ADGRL2: variants seen among roughly 807,000 people sequenced by gnomAD.
ADGRL2 encodes the protein adhesion G protein-coupled receptor L2.
A neutral mutation model predicts 157.4 loss-of-function variants in ADGRL2; 44 were observed. That is an observed-to-expected ratio of 0.28 (90% confidence interval 0.22 to 0.36). ADGRL2 has a LOEUF of 0.36. Ranked by LOEUF, ADGRL2 falls within the 10% of genes least tolerant of loss-of-function variation. ADGRL2 has a pLI of 1.00. For missense variants in ADGRL2, 1,510 were observed against 1,768.9 expected (o/e 0.85, Z 2.63); for synonymous variants, 585 against 624.7 (o/e 0.94, Z 0.95).
intron 2 of ADGRL2, among the ~76,000 whole-genome samples, chr1:81,787,252 T>C (rs1177715762): frequency 3.9e-5 from 6 of 152,226 alleles, no homozygotes; most frequent in Admixed American, 3.9e-4. Flanking sequence ...TTATTTCATG[T>C]GTCATTTCTT....
intron 1 of ADGRL2, among the ~76,000 whole-genome samples, chr1:81,405,838 C>T (rs150557037): frequency 1.2e-4 from 18 of 152,096 alleles, no homozygotes; most frequent in African/African-American, 3.9e-4. Flanking sequence ...TGTTTTTATA[C>T]ATAATGCCTA....
At chr1:81,454,747 C>T (rs1401714805) in intron 2 of ADGRL2, among the ~76,000 whole-genome samples, 1 of 152,146 alleles carries the variant, frequency 6.6e-6, no homozygotes. Flanking sequence ...TTTCATCATC[C>T]GGGCCTCCAT....
chr1:81,946,725 C>G (rs1474451993), intron 6 of ADGRL2, among the ~76,000 whole-genome samples: 1 of 152,054 alleles, frequency 6.6e-6, no homozygotes, highest in South Asian at 2.1e-4. Context: ...TCCGGAAATA[C>G]CTTTTCACTG....
intron 2 of ADGRL2, among the ~76,000 whole-genome samples, chr1:81,463,524 A>C (rs1352108899): frequency 6.6e-6 from 1 of 152,184 alleles, no homozygotes; most frequent in African/African-American, 2.4e-5. Flanking sequence ...TTGAAAACCC[A>C]AGGCTGCAAC....
chr1:81,693,055 G>T (rs2083374396), intron 3 of ADGRL2, among the ~76,000 whole-genome samples: 1 of 152,194 alleles, frequency 6.6e-6, no homozygotes, highest in African/African-American at 2.4e-5. Context: ...GGTAGGCCTA[G>T]AGTGCAGGTC....
chr1:81,457,309 T>C (rs931601732), intron 2 of ADGRL2, among the ~76,000 whole-genome samples: 9 of 152,284 alleles, frequency 5.9e-5, no homozygotes. Flanking sequence ...TTTTAAAAAC[T>C]TCAATATACT....
chr1:81,474,282 C>T (rs977599009), intron 2 of ADGRL2, among the ~76,000 whole-genome samples: 1 of 152,200 alleles, frequency 6.6e-6, no homozygotes, highest in Non-Finnish European at 1.5e-5. Context: ...CTGTCTCCCC[C>T]ATTAGAATTT....
intron 3 of ADGRL2, among the ~76,000 whole-genome samples, chr1:81,672,724 A>G (rs2082901018): frequency 1.3e-5 from 2 of 152,308 alleles, no homozygotes; most frequent in South Asian, 4.1e-4. Flanking sequence ...TGGAAAATTG[A>G]CTAGTGTTTT....
chr1:81,324,968 C>G (rs376755448), intron 1 of ADGRL2, among the ~76,000 whole-genome samples: 1 of 152,044 alleles, frequency 6.6e-6, no homozygotes, highest in Non-Finnish European at 1.5e-5. Context: ...CCACCCACCC[C>G]GACCTCCCAA....
At chr1:81,449,429 C>T (rs369247903) in intron 2 of ADGRL2, among the ~76,000 whole-genome samples, 2 of 152,188 alleles carry the variant, frequency 1.3e-5, no homozygotes, top group East Asian at 1.9e-4. Flanking sequence ...TTCACTCTTG[C>T]ACATTCAGTG....
intron 1 of ADGRL2, among the ~76,000 whole-genome samples, chr1:81,316,333 T>G: frequency 6.6e-6 from 1 of 152,288 alleles, no homozygotes; most frequent in South Asian, 2.1e-4. Flanking sequence ...GAATAAATGG[T>G]TTGGTGAACA....
chr1:81,643,119 T>C (rs1376236628), intron 3 of ADGRL2, among the ~76,000 whole-genome samples: 1 of 152,066 alleles, frequency 6.6e-6, no homozygotes, highest in Non-Finnish European at 1.5e-5. Context: ...AGTATACAGA[T>C]TGGGAAGGAA....
At chr1:81,901,423 A>G (rs2094484359) in intron 2 of ADGRL2, among the ~76,000 whole-genome samples, 1 of 152,154 alleles carries the variant, frequency 6.6e-6, no homozygotes, top group African/African-American at 2.4e-5. Context: ...CAAATTACAG[A>G]TAGTGTAGCT....
At chr1:81,468,399 G>T (rs1004172742) in intron 2 of ADGRL2, among the ~76,000 whole-genome samples, 2 of 152,046 alleles carry the variant, frequency 1.3e-5, no homozygotes, top group Non-Finnish European at 1.5e-5. Flanking sequence ...CAAAGCAAAG[G>T]CAGATAATTC....
intron 10 of ADGRL2, among the ~76,000 whole-genome samples, chr1:81,953,447 CTT>C (rs1335105747): frequency 1.3e-5 from 2 of 152,008 alleles, no homozygotes; most frequent in Non-Finnish European, 2.9e-5. Context: ...GTGGTATACT[CTT>C]AAATAAAATA....
At chr1:81,852,514 C>G (rs1426030231) in intron 2 of ADGRL2, among the ~76,000 whole-genome samples, 1 of 152,116 alleles carries the variant, frequency 6.6e-6, no homozygotes, top group African/African-American at 2.4e-5. Flanking sequence ...TAAGAAAATT[C>G]TCCCCGATAC....
At chr1:81,653,320 G>GTTTTTT (rs375033003) in intron 3 of ADGRL2, among the ~76,000 whole-genome samples, 9 of 135,448 alleles carry the variant, frequency 6.6e-5, no homozygotes, top group African/African-American at 1.9e-4. Context: ...AACCTTTAGG[G>GTTTTTT]TTTTTTTTTT....
chr1:81,726,851 A>G (rs960715853), intron 1 of ADGRL2, among the ~76,000 whole-genome samples: 10 of 152,194 alleles, frequency 6.6e-5, no homozygotes, highest in Admixed American at 6.5e-4. Context: ...GGCCTGAATA[A>G]GAATCCATCC....
chr1:81,914,204 AAAGAAG>A (rs1451467665), intron 3 of ADGRL2, among the ~76,000 whole-genome samples: 1 of 152,144 alleles, frequency 6.6e-6, no homozygotes, highest in East Asian at 1.9e-4. Flanking sequence ...CATTCTTCAT[AAAGAAG>A]CTTTGTATCC....
Sources: allele counts gnomAD v4.1 joint callset (sites outside exome capture counted in the v4.1 genomes callset), GRCh38; gene constraint gnomAD v4.1.1; transcripts MANE v1.5; gene names NCBI Gene and HGNC (gene_info 2026-07-23, HGNC 2026-07-21).